Variants in TINAGL1 observed in about 807,000 individuals in gnomAD.
The protein encoded by TINAGL1 is tubulointerstitial nephritis antigen like 1.
A neutral mutation model predicts 62.0 loss-of-function variants in TINAGL1; 34 were observed. The observed-to-expected ratio is 0.55, with a 90% CI of 0.42 to 0.73. The LOEUF is 0.73. Ranked by LOEUF, TINAGL1 falls within the 30% of genes least tolerant of loss-of-function variation. The pLI is 0.00. For missense variants in TINAGL1, 516 were observed against 653.2 expected (o/e 0.79, Z 2.29); for synonymous variants, 221 against 249.7 (o/e 0.88, Z 1.08).
intron 3 of TINAGL1, chr1:31,579,787 C>G (rs1224315077): frequency 6.2e-6 from 1 of 161,324 alleles, no homozygotes; most frequent in African/African-American, 2.4e-5. Context: ...CCTATTCAGT[C>G]TGAGATGGGA....
In TINAGL1 at chr1:31,585,590, G is replaced by C; in HGVS notation, c.1093+105G>C. On this transcript the variant is annotated intron_variant, in intron 9 of 11. Coordinates refer to ENST00000271064, the MANE Select transcript of TINAGL1 (RefSeq NM_022164.3). The surrounding 1 kb of genome is among the most constrained non-coding windows in gnomAD (Gnocchi z 4.3). ...ACAGCATTCAGCAGCATGTCCAGTA[G>C]GGCCAGGAGTAGGGGTCCCCCCCTC... 1 of 1,553,578 alleles carries C rather than the reference G, an allele frequency of 6.4e-7. No individual in the cohort carries two copies. Among genetic ancestry groups the C allele is most frequent in the Non-Finnish European group, 8.7e-7 (1 of 1,144,762 alleles).
At position 31,577,502 on chromosome 1, in the gene TINAGL1, T is replaced by G; in HGVS notation, c.310+44T>G. On this transcript the variant is annotated intron_variant, in intron 2 of 11. Coordinates refer to ENST00000271064, the MANE Select transcript of TINAGL1 (RefSeq NM_022164.3). This position sits in a 1 kb window ranked among gnomAD's most constrained non-coding sequence, Gnocchi z 5.4. The stretch of plus-strand genomic sequence containing the variant: ...AGGAGGGTGGGTCACTTTGTCCACC[T>G]CAGACTCAGCAAGGCTCAAGAGCAA... The G allele has an allele frequency of 6.4e-7, 1 of 1,558,256 alleles. No homozygotes were observed. Among genetic ancestry groups the G allele is most frequent in the South Asian group, 1.2e-5 (1 of 82,244 alleles).
intron 10 of TINAGL1, chr1:31,586,489 C>T (rs1639393636): frequency 1.6e-6 from 1 of 612,816 alleles, no homozygotes; most frequent in Non-Finnish European, 2.9e-6. Context: ...CTCCACTTGT[C>T]CCCTTGGTGC....
chr1:31,586,313 C>A, intron 10 of TINAGL1: 1 of 374,782 alleles, frequency 2.7e-6, no homozygotes, highest in Non-Finnish European at 4.9e-6. Context: ...TTGGCGGTCT[C>A]TAAGATACCC....
At position 31,583,335 on chromosome 1, in the gene TINAGL1, C is replaced by A; in HGVS notation, c.467+94C>A. 1 of 1,489,798 alleles carries A rather than the reference C, an allele frequency of 6.7e-7. No homozygotes were observed. The highest frequency in any genetic ancestry group is 9.3e-7 in the Non-Finnish European group (1 of 1,074,648). 92.3% of individuals were successfully genotyped at this position (1,489,798 alleles called of 1,614,324 possible). On this transcript the variant is annotated intron_variant, in intron 4 of 11. Transcript: ENST00000271064. The surrounding 1 kb of genome is among the most constrained non-coding windows in gnomAD (Gnocchi z 4.4). ...GCTGTGGGGCACGTCCAGCAGGCCA[C>A]TCCTACACCCAGATTTGACTGTGTG... is the stretch of plus-strand genomic sequence containing the variant.
intron 3 of TINAGL1, chr1:31,579,698 C>T (rs759551451): frequency 6.0e-6 from 1 of 167,642 alleles, no homozygotes. Context: ...CAGGGCCTTC[C>T]CTGAAATGTG....
At position 31,580,199 on chromosome 1, in the gene TINAGL1, C is replaced by CTCTG. The variant is rs1553149080; in HGVS notation, c.374+935_374+936insGTCT. On this transcript the variant is annotated intron_variant, in intron 3 of 11. Coordinates refer to ENST00000271064, the MANE Select transcript of TINAGL1 (RefSeq NM_022164.3). ...TCTCTCTCTCTCTCTCTCTCTCTCT[C>CTCTG]TCTCTCTCTCTCTGTCTCTCTCTCT... 1,377 of 448,168 alleles carry CTCTG rather than the reference C, an allele frequency of 3.1e-3. 7 individuals carry two copies. Among genetic ancestry groups the CTCTG allele is most frequent in the African/African-American group, 0.012 (319 of 26,894 alleles). 27.8% of individuals were successfully genotyped at this position (448,168 alleles called of 1,614,324 possible).
chr1:31,577,346 C>T lies in TINAGL1; in HGVS notation c.198C>T (p.Tyr66=). 6.2e-7 allele frequency: 1 copy of T among 1,613,874 alleles called. No homozygotes were observed. Among genetic ancestry groups the T allele is most frequent in the Non-Finnish European group, 8.5e-7 (1 of 1,179,988 alleles). ...RGRADDCALP[Y]LGAICYCDLF... is the part of the protein sequence containing the mutation. ...GTGCCGACGACTGTGCCCTGCCCTA[C>T]CTGGGCGCCATCTGTTACTGTGACC... Residue 66 remains tyrosine (Y), a synonymous_variant, in exon 2 of 12, where the codon TAC becomes TAT. Coordinates refer to ENST00000271064, the MANE Select transcript of TINAGL1 (RefSeq NM_022164.3). The surrounding 1 kb of genome is among the most constrained non-coding windows in gnomAD (Gnocchi z 5.4).
Position 31,585,357 on chromosome 1 carries a change from G to C in TINAGL1, c.1047+17G>C, listed in dbSNP as rs201304278. The C allele has an allele frequency of 6.2e-7, 1 of 1,604,554 alleles. No homozygotes were observed. Among genetic ancestry groups the C allele is most frequent in the East Asian group, 2.2e-5 (1 of 44,682 alleles). Reference sequence around the variant, plus strand: ...GGCTCCAACGTAAGTCAGCACTTGGGTGAGGGCGCCGAGGCAGGAGGGTTG... The same window carrying C: ...GGCTCCAACGTAAGTCAGCACTTGGCTGAGGGCGCCGAGGCAGGAGGGTTG... On this transcript the variant is annotated intron_variant, in intron 8 of 11. Coordinates refer to ENST00000271064, the MANE Select transcript of TINAGL1 (RefSeq NM_022164.3). This position sits in a 1 kb window ranked among gnomAD's most constrained non-coding sequence, Gnocchi z 4.3.
intron 3 of TINAGL1, 78 bp downstream of exon 3, chr1:31,579,345 C>T (rs1377063688): frequency 7.5e-7 from 1 of 1,337,368 alleles, no homozygotes; most frequent in Non-Finnish European, 1.1e-6. Flanking sequence ...TATCCCTGAC[C>T]CCTTTTGCAA....
intron 3 of TINAGL1, chr1:31,580,939 T>A (rs1639228035): frequency 2.8e-6 from 1 of 357,826 alleles, no homozygotes; most frequent in African/African-American, 2.2e-5. Context: ...AGCTGCCCAG[T>A]GTTATAGGGA....
rs143115992 is a variant in TINAGL1, at chr1:31,584,645, C to G, written c.583-33C>G. 46 of 1,612,312 alleles carry G rather than the reference C, an allele frequency of 2.9e-5. No homozygotes were observed. Among genetic ancestry groups the G allele is most frequent in the Admixed American group, 1.2e-4 (7 of 60,032 alleles). On this transcript the variant is annotated intron_variant, in intron 5 of 11. Coordinates refer to ENST00000271064, the MANE Select transcript of TINAGL1 (RefSeq NM_022164.3). The surrounding 1 kb of genome is among the most constrained non-coding windows in gnomAD (Gnocchi z 4.0). The stretch of plus-strand genomic sequence containing the variant: ...ACCTGAGGGGCAGGCCAGGGCAGAG[C>G]AGGAGGCAGACAGGGCAACCTTTAT...
intron 3 of TINAGL1, 70 bp downstream of exon 3, chr1:31,579,337 T>C (rs1639139793): frequency 7.2e-7 from 1 of 1,390,264 alleles, no homozygotes; most frequent in Admixed American, 1.7e-5. Flanking sequence ...TCAAATCTTA[T>C]CCCTGACCCC....
In TINAGL1 at chr1:31,583,246, G is replaced by C. The variant is rs746180391; in HGVS notation, c.467+5G>C. On this transcript the variant is annotated splice_donor_5th_base_variant and intron_variant, in intron 4 of 11. Coordinates refer to ENST00000271064, the MANE Select transcript of TINAGL1 (RefSeq NM_022164.3). The surrounding 1 kb of genome is among the most constrained non-coding windows in gnomAD (Gnocchi z 4.4). ...CATCAACCAGGGCAACTATGGGTGA[G>C]AGGCCCTAGAGGCACCCTCAGTGGG... 6.2e-7 allele frequency: 1 copy of C among 1,613,816 alleles called. No homozygotes were observed. Among genetic ancestry groups the C allele is most frequent in the Non-Finnish European group, 8.5e-7 (1 of 1,179,718 alleles).
rs563234159 is a variant in TINAGL1, at chr1:31,586,592, A to C, written c.1218-118A>C. On this transcript the variant is annotated intron_variant, in intron 10 of 11. Transcript: ENST00000271064. Reference sequence around the variant, plus strand: ...AGGTACAGAGACCTGCCTGAGCCCTAAGGGTGTACCCAACCCTCCAAAGGC... The same window carrying C: ...AGGTACAGAGACCTGCCTGAGCCCTCAGGGTGTACCCAACCCTCCAAAGGC... 74 of 1,167,168 alleles carry C rather than the reference A, an allele frequency of 6.3e-5. No individual in the cohort carries two copies. In the African/African-American group the frequency reaches 1.1e-3, roughly 17 times the overall value. The allele number at this position is 1,167,168 out of a possible 1,614,324, so 72.3% of individuals were successfully genotyped here.
chr1:31,582,493 G>T (rs1051081271), intron 3 of TINAGL1, among the ~76,000 whole-genome samples: 1 of 152,164 alleles, frequency 6.6e-6, no homozygotes, highest in African/African-American at 2.4e-5. Context: ...CTTATTCTGT[G>T]ATGTGAAGCC....
rs998902301 is a variant in TINAGL1, at chr1:31,583,016, G to GATGGGATC, written c.375-131_375-124dup. On this transcript the variant is annotated intron_variant, in intron 3 of 11. Coordinates refer to ENST00000271064, the MANE Select transcript of TINAGL1 (RefSeq NM_022164.3). The surrounding 1 kb of genome is among the most constrained non-coding windows in gnomAD (Gnocchi z 4.4). ...GTTGACATTTAAAGCCACCAGGCTGGATGGGATCACCTAGAGATTCTCCCA... is the reference window on the plus strand; with the variant it reads ...GTTGACATTTAAAGCCACCAGGCTGGATGGGATCATGGGATCACCTAGAGATTCTCCCA... The GATGGGATC allele has an allele frequency of 3.0e-5, 23 of 758,272 alleles. No homozygotes were observed. In the African/African-American group the frequency reaches 3.8e-4, roughly 12 times the overall value. 47.0% of individuals were successfully genotyped at this position (758,272 alleles called of 1,614,324 possible). A position where few individuals can be genotyped will look rare whatever the true frequency, so the allele number is the denominator to read the frequency against.
chr1:31,584,659 G>A lies in TINAGL1; in HGVS notation c.583-19G>A. On this transcript the variant is annotated intron_variant, in intron 5 of 11. Coordinates refer to ENST00000271064, the MANE Select transcript of TINAGL1 (RefSeq NM_022164.3). The surrounding 1 kb of genome is among the most constrained non-coding windows in gnomAD (Gnocchi z 4.0). ...CCAGGGCAGAGCAGGAGGCAGACAGGGCAACCTTTATCTTGCAGACAGTGC... is the reference window on the plus strand; with the variant it reads ...CCAGGGCAGAGCAGGAGGCAGACAGAGCAACCTTTATCTTGCAGACAGTGC... The A allele has an allele frequency of 6.2e-7, 1 of 1,612,650 alleles. No individual in the cohort carries two copies.
In TINAGL1 at chr1:31,585,013, C is replaced by T; in HGVS notation, c.834C>T (p.Ala278=). The change falls in exon 7 of 12, where the codon GCC becomes GCT. Residue 278 remains alanine, a synonymous_variant. Coordinates refer to ENST00000271064, the MANE Select transcript of TINAGL1 (RefSeq NM_022164.3). This position sits in a 1 kb window ranked among gnomAD's most constrained non-coding sequence, Gnocchi z 4.3. ...QGCRGGRLDG[A]WWFLRRRGVV... is the part of the protein sequence containing the mutation. ...GCCGCGGTGGGCGTCTCGATGGTGC[C>T]TGGTGGTTCCTGCGTCGCCGAGGGT... 2 of 1,606,062 alleles carry T rather than the reference C, an allele frequency of 1.2e-6. No homozygotes were observed. The highest frequency in any genetic ancestry group is 1.7e-6 in the Non-Finnish European group (2 of 1,174,996).
Sources: gnomAD v4.1 joint callset for allele counts (sites outside exome capture counted in the v4.1 genomes callset) on GRCh38, gnomAD v4.1.1 for gene constraint, Gnocchi (gnomAD v3.1) non-coding constraint, MANE v1.5 for transcripts, NCBI Gene and HGNC (gene_info 2026-07-23, HGNC 2026-07-21) for gene names.